MACROD2: variants seen among roughly 807,000 people sequenced by gnomAD.
MACROD2 encodes mono-ADP ribosylhydrolase 2, also known as ADP-ribose glycohydrolase MACROD2.
Under a neutral mutation model 70.4 loss-of-function variants are expected in MACROD2, and 36 were observed. That is an observed-to-expected ratio of 0.51 (90% CI 0.39 to 0.68). The LOEUF is 0.68. Among genes scored for constraint, MACROD2 ranks in the 30% least tolerant of loss-of-function variants. The pLI is 0.00. For synonymous variants in MACROD2, 172 were observed against 178.8 expected (o/e 0.96, Z 0.30); for missense variants, 496 against 538.4 (o/e 0.92, Z 0.78).
At chr20:15,500,792 G>A (rs1012025344) in intron 8 of MACROD2, among the ~76,000 whole-genome samples, 3 of 152,042 alleles carry the variant, frequency 2.0e-5, no homozygotes, top group African/African-American at 4.8e-5. Flanking sequence ...TTGTAATTTC[G>A]GCATTTGTTG....
intron 3 of MACROD2, among the ~76,000 whole-genome samples, chr20:14,361,856 C>T (rs1318243233): frequency 6.6e-6 from 1 of 152,212 alleles, no homozygotes; most frequent in Non-Finnish European, 1.5e-5. Context: ...TCCCAATGTA[C>T]TTTTCTGACA....
rs760764293 is a variant in MACROD2, at chr20:14,002,422, T to C, written c.163+18T>C. On this transcript the variant is annotated intron_variant, in intron 2 of 17. Transcript: ENST00000684519. ...AAATGATGGTAAGTTTCTCGGAACATTTTTTAGGTAGATATTTTTCCCATT... is the reference window on the plus strand; with the variant it reads ...AAATGATGGTAAGTTTCTCGGAACACTTTTTAGGTAGATATTTTTCCCATT... 7 of 1,476,608 alleles carry C rather than the reference T, an allele frequency of 4.7e-6. No individual in the cohort carries two copies. The highest frequency in any genetic ancestry group is 6.5e-6 in the Non-Finnish European group (7 of 1,074,266). The allele number at this position is 1,476,608 out of a possible 1,614,324, so 91.5% of individuals were successfully genotyped here. A position where few individuals can be genotyped will look rare whatever the true frequency, so the allele number is the denominator to read the frequency against.
intron 13 of MACROD2, chr20:15,985,691 G>A (rs2147466018): frequency 6.6e-6 from 1 of 152,402 alleles, no homozygotes; most frequent in East Asian, 1.9e-4. Flanking sequence ...TGCTCCACAG[G>A]GCAGGCCTAA....
chr20:15,927,272 T>C (rs560345809), intron 10 of MACROD2, among the ~76,000 whole-genome samples: 1 of 152,270 alleles, frequency 6.6e-6, no homozygotes, highest in African/African-American at 2.4e-5. Context: ...CATGTGTTTA[T>C]GGAGCCCTTA....
intron 2 of MACROD2, among the ~76,000 whole-genome samples, chr20:14,045,526 T>C (rs1341989474): frequency 6.6e-6 from 1 of 152,232 alleles, no homozygotes; most frequent in African/African-American, 2.4e-5. Context: ...ATGTTGGCAG[T>C]GCTACAAAGT....
chr20:15,313,057 G>A (rs974431236), intron 6 of MACROD2, among the ~76,000 whole-genome samples: 1 of 152,044 alleles, frequency 6.6e-6, no homozygotes, highest in African/African-American at 2.4e-5. Flanking sequence ...TGAAATTTGT[G>A]TATAAAACTT....
chr20:14,204,140 G>A (rs1358082640), intron 3 of MACROD2, among the ~76,000 whole-genome samples: 1 of 152,182 alleles, frequency 6.6e-6, no homozygotes, highest in Non-Finnish European at 1.5e-5. Context: ...CCACTGGAGG[G>A]GGTGGGGTTG....
chr20:14,707,524 G>A (rs946612638), intron 5 of MACROD2, among the ~76,000 whole-genome samples: 9 of 152,030 alleles, frequency 5.9e-5, no homozygotes, highest in Non-Finnish European at 1.3e-4. Context: ...AGTTTTGATT[G>A]TAGCTCTCAG....
At chr20:14,153,683 T>C (rs113929838) in intron 3 of MACROD2, among the ~76,000 whole-genome samples, 1 of 152,204 alleles carries the variant, frequency 6.6e-6, no homozygotes, top group Non-Finnish European at 1.5e-5. Context: ...AAAAAAGATG[T>C]GATATATATG....
chr20:15,551,761 T>C (rs558559494), intron 8 of MACROD2, among the ~76,000 whole-genome samples: 2 of 150,572 alleles, frequency 1.3e-5, no homozygotes, highest in Non-Finnish European at 2.9e-5. Context: ...CCAGCTGCTT[T>C]GGAGGCTGAG....
chr20:16,014,525 A>G (rs1305151173), intron 15 of MACROD2, among the ~76,000 whole-genome samples: 1 of 152,186 alleles, frequency 6.6e-6, no homozygotes, highest in Admixed American at 6.5e-5. Flanking sequence ...CATTTCTCTC[A>G]TTTGTAAAGC....
intron 5 of MACROD2, among the ~76,000 whole-genome samples, chr20:14,862,520 A>T (rs748519762): frequency 1.7e-4 from 3 of 18,166 alleles, no homozygotes; most frequent in African/African-American, 6.6e-4. Flanking sequence ...TATATATATA[A>T]ATATAAATAT....
At chr20:15,116,937 A>T (rs2075995882) in intron 5 of MACROD2, among the ~76,000 whole-genome samples, 1 of 152,232 alleles carries the variant, frequency 6.6e-6, no homozygotes, top group Non-Finnish European at 1.5e-5. Flanking sequence ...AGAAGTTAAA[A>T]TAAGACTGTT....
chr20:15,626,672 T>C (rs1000457612), intron 8 of MACROD2, among the ~76,000 whole-genome samples: 2 of 152,142 alleles, frequency 1.3e-5, no homozygotes, highest in African/African-American at 4.8e-5. Context: ...TTGGCCAATA[T>C]GGTGAAACCC....
intron 6 of MACROD2, among the ~76,000 whole-genome samples, chr20:15,410,029 G>A (rs1045946213): frequency 1.3e-5 from 2 of 151,978 alleles, no homozygotes; most frequent in Admixed American, 6.6e-5. Context: ...TTTATTCCTC[G>A]TTTCCTTTTA....
chr20:15,873,859 TTTTA>T lies in MACROD2; in HGVS notation c.727+11037_727+11040del, dbSNP rs555212672. 2.3e-4 allele frequency among the ~76,000 whole-genome samples: 35 copies of T among 152,182 alleles called. 3 individuals are homozygous for T. The highest frequency in any genetic ancestry group is 6.8e-3 in the Middle Eastern group (2 of 294). ...ATGGACTTCGCCTCACAGAAAACCA[TTTTA>T]TTTCTAATTAGATTGTTTCTAGTTC... On this transcript the variant is annotated intron_variant, in intron 9 of 17. Transcript: ENST00000684519.
At chr20:16,043,224 G>A (rs941267589) in intron 16 of MACROD2, among the ~76,000 whole-genome samples, 3 of 152,030 alleles carry the variant, frequency 2.0e-5, no homozygotes, top group African/African-American at 7.2e-5. Flanking sequence ...CTAGAAGTGG[G>A]GCACCTTAAG....
chr20:15,425,219 ATG>A (rs1405888562), intron 6 of MACROD2, among the ~76,000 whole-genome samples: 3 of 152,222 alleles, frequency 2.0e-5, no homozygotes, highest in Admixed American at 6.5e-5. Context: ...TGGATCCTGA[ATG>A]TGAGGAAGTT....
intron 5 of MACROD2, among the ~76,000 whole-genome samples, chr20:14,862,715 ATTTTTT>A: frequency 1.6e-5 from 1 of 63,342 alleles, no homozygotes; most frequent in South Asian, 4.6e-4. Flanking sequence ...ATATATATAT[ATTTTTT>A]TTTAATAGAG....
Sources: gnomAD v4.1 joint callset for allele counts (sites outside exome capture counted in the v4.1 genomes callset) on GRCh38, gnomAD v4.1.1 for gene constraint, MANE v1.5 for transcripts, NCBI Gene and HGNC (gene_info 2026-07-23, HGNC 2026-07-21) for gene names.